The following BCAS3 variants were observed in gnomAD, a reference collection of about 807,000 sequenced individuals.
The protein encoded by BCAS3 is BCAS4/BCAS3 fusion.
Under a neutral mutation model 116.1 loss-of-function variants are expected in BCAS3, and 53 were observed. That is an observed-to-expected ratio of 0.46 (90% CI 0.37 to 0.57). The LOEUF is 0.57. BCAS3 is among the 20% of genes least tolerant of loss of function. BCAS3 has a pLI of 0.00. For missense variants in BCAS3, 917 were observed against 1,165.4 expected, an observed-to-expected ratio of 0.79 and a Z score of 3.10; for synonymous variants, 391 against 408.2, an observed-to-expected ratio of 0.96 and a Z score of 0.51.
At chr17:60,733,737 C>T (rs1160913837) in intron 5 of BCAS3, among the ~76,000 whole-genome samples, 1 of 152,044 alleles carries the variant, frequency 6.6e-6, no homozygotes, top group Non-Finnish European at 1.5e-5. Flanking sequence ...GTCCCAGCTA[C>T]TTGGGAGGCT....
At chr17:60,837,795 G>A (rs1235286072) in intron 7 of BCAS3, among the ~76,000 whole-genome samples, 1 of 151,812 alleles carries the variant, frequency 6.6e-6, no homozygotes, top group African/African-American at 2.4e-5. Context: ...CTGGGAACAG[G>A]TGCGTGCCAC....
Position 60,679,464 on chromosome 17 carries a change from G to C in BCAS3, c.7G>C (p.Glu3Gln). MN[E>Q]AMATDSPRRP... ...TGTTCTGGAAACAGGTTTTATGAAT[G>C]AAGCTATGGCTACAGATTCCCCAAG... Residue 3 changes from glutamate to glutamine, a missense_variant, in exon 2 of 24, where the codon GAA (glutamate) becomes CAA (glutamine). By Grantham distance (29) the Glu-to-Gln change is conservative. Around this residue, in one of 3 missense-constraint regions of BCAS3, gnomAD observed 807 missense variants for 1,026.0 expected, o/e 0.79. Transcript: ENST00000407086. 4 of 1,613,126 alleles carry C rather than the reference G, an allele frequency of 2.5e-6. No homozygotes were observed. Among genetic ancestry groups the C allele is most frequent in the Non-Finnish European group, 3.4e-6 (4 of 1,179,292 alleles).
rs915009640 is a variant in BCAS3, at chr17:61,211,432, T to A, written c.2425+126868T>A. ...TAGTGCAGATTTCCCAGCTGCCCAA[T>A]TTGAGCCCTTTTGAGTTGACCTCCC... On this transcript the variant is annotated intron_variant, in intron 22 of 23. Transcript: ENST00000407086. The surrounding 1 kb of genome is among the most constrained non-coding windows in gnomAD (Gnocchi z 4.4). 6.6e-6 allele frequency among the ~76,000 whole-genome samples: 1 copy of A among 152,196 alleles called. No individual in the cohort carries two copies. Among genetic ancestry groups the A allele is most frequent in the African/African-American group, 2.4e-5 (1 of 41,448 alleles).
intron 22 of BCAS3, among the ~76,000 whole-genome samples, chr17:61,170,123 T>C (rs11654354): frequency 0.72 from 108,982 of 151,806 alleles, 40,083 homozygotes; most frequent in South Asian, 0.85. Context: ...CAAACTGCTG[T>C]GATTAGAGGT....
chr17:60,806,185 A>G (rs2048270555), intron 6 of BCAS3, among the ~76,000 whole-genome samples: 1 of 152,022 alleles, frequency 6.6e-6, no homozygotes, highest in Non-Finnish European at 1.5e-5. Context: ...TTCGGCCTAA[A>G]TTATTACATG....
intron 14 of BCAS3, among the ~76,000 whole-genome samples, chr17:60,981,841 G>C (rs778193359): frequency 6.6e-6 from 1 of 152,228 alleles, no homozygotes; most frequent in South Asian, 2.1e-4. Flanking sequence ...CATATAGCTT[G>C]TAAGTAGTAG....
chr17:60,907,044 C>T (rs2058224867), intron 11 of BCAS3, among the ~76,000 whole-genome samples: 1 of 152,128 alleles, frequency 6.6e-6, no homozygotes, highest in African/African-American at 2.4e-5. Context: ...TTTTGTCTCA[C>T]TGCAATTGTG....
At chr17:60,805,964 G>A (rs2048239620) in intron 6 of BCAS3, among the ~76,000 whole-genome samples, 1 of 149,302 alleles carries the variant, frequency 6.7e-6, no homozygotes, top group African/African-American at 2.5e-5. Context: ...CTGGGTTCAA[G>A]CTAGTCTGCC....
intron 5 of BCAS3, among the ~76,000 whole-genome samples, chr17:60,733,804 G>T (rs1027708423): frequency 6.6e-6 from 1 of 152,060 alleles, no homozygotes; most frequent in Non-Finnish European, 1.5e-5. Context: ...CATTGATCAC[G>T]CCACTGCACT....
rs571750092 is a variant in BCAS3, at chr17:61,021,765, A to G, written c.1637+5864A>G. On this transcript the variant is annotated intron_variant, in intron 16 of 23. Transcript: ENST00000407086. This position sits in a 1 kb window ranked among gnomAD's most constrained non-coding sequence, Gnocchi z 4.6. ...AGACACATCCAGTTGATATTTGTAG[A>G]CCAAATCTACCATCAGACTTGGCTA... Among the ~76,000 whole-genome samples the G allele has an allele frequency of 6.6e-6, 1 of 152,272 alleles. No homozygotes were observed. The highest frequency in any genetic ancestry group is 6.5e-5 in the Admixed American group (1 of 15,296).
At position 61,078,502 on chromosome 17, in the gene BCAS3, C is replaced by G; in HGVS notation, c.2300C>G (p.Thr767Arg). The G allele has an allele frequency of 6.2e-7, 1 of 1,613,968 alleles. No individual in the cohort carries two copies. The highest frequency in any genetic ancestry group is 8.5e-7 in the Non-Finnish European group (1 of 1,179,878). Residue 767 changes from threonine (T) to arginine (R), a missense_variant, in exon 21 of 24, where the codon ACA (threonine) becomes AGA (arginine). Thr to Arg is a moderately conservative substitution (Grantham distance 71). Around this residue, in one of 3 missense-constraint regions of BCAS3, gnomAD observed 807 missense variants for 1,026.0 expected, o/e 0.79. Transcript: ENST00000407086. Reference protein sequence around the residue: ...DTPQPLLDFDTDDLDLNSLRI... With the variant: ...DTPQPLLDFDRDDLDLNSLRI... Reference sequence around the variant, plus strand: ...CCACAGCCTCTTTTGGATTTTGATACAGATGATCTTGATCTCAACAGTCTC... The same window carrying G: ...CCACAGCCTCTTTTGGATTTTGATAGAGATGATCTTGATCTCAACAGTCTC...
intron 22 of BCAS3, among the ~76,000 whole-genome samples, chr17:61,137,543 C>T (rs1208352797): frequency 6.6e-6 from 1 of 151,726 alleles, no homozygotes; most frequent in Non-Finnish European, 1.5e-5. Context: ...CCAAGGTGGG[C>T]GGATCACCTG....
rs1357502754 is a variant in BCAS3 at position 61,377,348 on chromosome 17, A to AG, written c.2593+8858dup. On this transcript the variant is annotated intron_variant, in intron 23 of 23. Transcript: ENST00000407086. The surrounding 1 kb of genome is among the most constrained non-coding windows in gnomAD (Gnocchi z 4.6). ...CTGTGGGACAGCCGGTGGCCTCGGC[A>AG]GGGGTGGTGTTGTTGGTGTTGCTAT... Among the ~76,000 whole-genome samples the AG allele has an allele frequency of 6.6e-6, 1 of 152,080 alleles. No homozygotes were observed. Among genetic ancestry groups the AG allele is most frequent in the Non-Finnish European group, 1.5e-5 (1 of 67,996 alleles).
At chr17:61,086,347 C>A (rs1282846327) in intron 22 of BCAS3, among the ~76,000 whole-genome samples, 1 of 152,188 alleles carries the variant, frequency 6.6e-6, no homozygotes, top group Non-Finnish European at 1.5e-5. Flanking sequence ...CCTGCCTCAG[C>A]CTCCCAAAGT....
intron 22 of BCAS3, among the ~76,000 whole-genome samples, chr17:61,342,991 A>T (rs753714416): frequency 3.3e-5 from 5 of 152,074 alleles, no homozygotes; most frequent in Non-Finnish European, 7.4e-5. Flanking sequence ...ATCTCAGATG[A>T]TCCACCCACC....
rs1471657940 is a variant in BCAS3, at chr17:61,309,885, G to A, written c.2426-58442G>A. Among the ~76,000 whole-genome samples the A allele has an allele frequency of 1.3e-5, 2 of 152,130 alleles. No homozygotes were observed. The highest frequency in any genetic ancestry group is 4.8e-5 in the African/African-American group (2 of 41,412). Reference sequence around the variant, plus strand: ...GCTTGTTTAAGGAAGCCATGAACTAGCAAATGTAGTTAAAAGATGAAGGGG... The same window carrying A: ...GCTTGTTTAAGGAAGCCATGAACTAACAAATGTAGTTAAAAGATGAAGGGG... On this transcript the variant is annotated intron_variant, in intron 22 of 23. Transcript: ENST00000407086. The surrounding 1 kb of genome is among the most constrained non-coding windows in gnomAD (Gnocchi z 4.6).
chr17:60,972,322 C>T (rs561946903), intron 14 of BCAS3, among the ~76,000 whole-genome samples: 68 of 152,232 alleles, frequency 4.5e-4, no homozygotes, highest in African/African-American at 1.6e-3. Flanking sequence ...TTTTAATGTG[C>T]ACATGCCAGT....
intron 22 of BCAS3, among the ~76,000 whole-genome samples, chr17:61,173,339 C>T (rs968993911): frequency 4.6e-5 from 7 of 151,406 alleles, no homozygotes; most frequent in African/African-American, 1.7e-4. Flanking sequence ...GTCCCAGCTG[C>T]TTGGGAGGCT....
chr17:60,695,805 C>T (rs1401447813), intron 4 of BCAS3, among the ~76,000 whole-genome samples: 1 of 152,054 alleles, frequency 6.6e-6, no homozygotes, highest in African/African-American at 2.4e-5. Flanking sequence ...TGCTATGTTG[C>T]CCAGGCTGAT....
Sources: allele counts gnomAD v4.1 joint callset (sites outside exome capture counted in the v4.1 genomes callset), GRCh38; gene constraint gnomAD v4.1.1; regional missense constraint gnomAD v4.1.1; non-coding constraint Gnocchi (gnomAD v3.1); transcripts MANE v1.5; gene names NCBI Gene and HGNC (gene_info 2026-07-23, HGNC 2026-07-21).